The following ATP10B variants were observed in gnomAD, a reference collection of about 807,000 sequenced individuals.
ATP10B encodes the protein ATPase phospholipid transporting 10B (putative), also known as phospholipid-transporting ATPase VB.
ATP10B carries 122 observed loss-of-function variants against 141.2 expected under a neutral mutation model. The ratio of observed to expected loss-of-function variants is 0.86; its 90% CI spans 0.75 to 1.00. The LOEUF (loss-of-function observed/expected upper bound fraction) is 1.00. Among genes scored for constraint, ATP10B ranks in the 50% least tolerant of loss-of-function variants. The probability of loss-of-function intolerance (pLI) is 0.00; values close to 1 mark genes in which losing one functional copy is unlikely to be tolerated. For synonymous variants in ATP10B, 685 were observed against 692.0 expected (o/e 0.99, Z 0.16); for missense variants, 1,876 against 1,825.3 (o/e 1.03, Z -0.51).
At chr5:160,758,952 G>A (rs564169867) in intron 2 of ATP10B, among the ~76,000 whole-genome samples, 79 of 152,214 alleles carry the variant, frequency 5.2e-4, no homozygotes, top group African/African-American at 1.9e-3. Context: ...GATTTTCTTG[G>A]GAAACCCACA....
At chr5:160,884,581 C>A in the ATP10B span, among the ~76,000 whole-genome samples, 2 of 152,084 alleles carry the variant, frequency 1.3e-5, no homozygotes, top group African/African-American at 4.8e-5. Context: ...GTGGGAGATA[C>A]CACAGCTCAG....
chr5:160,626,322 C>T (rs532624481), intron 13 of ATP10B, among the ~76,000 whole-genome samples: 17 of 152,268 alleles, frequency 1.1e-4, no homozygotes, highest in Admixed American at 6.5e-4. Context: ...TGAGCTCAAA[C>T]GATATCCTCA....
chr5:160,723,282 G>C (rs1316763163), intron 2 of ATP10B, among the ~76,000 whole-genome samples: 1 of 152,188 alleles, frequency 6.6e-6, no homozygotes, highest in East Asian at 1.9e-4. Flanking sequence ...TGACAGGTGA[G>C]ACCATTGCCT....
intron 2 of ATP10B, among the ~76,000 whole-genome samples, chr5:160,749,594 C>G (rs1768023639): frequency 6.6e-6 from 1 of 152,150 alleles, no homozygotes; most frequent in African/African-American, 2.4e-5. Context: ...ATTTAAGCAA[C>G]TTGCTTAAGA....
At chr5:160,836,732 T>G (rs139136508) in intron 1 of ATP10B, among the ~76,000 whole-genome samples, 2,206 of 152,208 alleles carry the variant, frequency 0.014, 126 homozygotes, top group Admixed American at 0.11. Flanking sequence ...TCTGACTCAA[T>G]CATTCTTTTC....
chr5:160,769,320 T>G lies in ATP10B; in HGVS notation c.-331+16239A>C, dbSNP rs142500742. ...TATAAAGATTGACAGGAGAGTGAAG[T>G]GCGTGTTACATAAGGAACAGCACAG... On this transcript the variant is annotated intron_variant, in intron 2 of 25. Transcript: ENST00000327245. Among the ~76,000 whole-genome samples the G allele has an allele frequency of 1.8e-3, 270 of 152,298 alleles. 1 individual carries two copies. The highest frequency in any genetic ancestry group is 6.3e-3 in the African/African-American group (262 of 41,560).
At chr5:160,761,230 A>G (rs556035532) in intron 2 of ATP10B, among the ~76,000 whole-genome samples, 25 of 152,280 alleles carry the variant, frequency 1.6e-4, no homozygotes, top group Middle Eastern at 3.4e-3. Context: ...CTGCTAGCAT[A>G]ATCAGCATTC....
chr5:160,809,897 A>G (rs544751299), intron 1 of ATP10B, among the ~76,000 whole-genome samples: 5 of 152,304 alleles, frequency 3.3e-5, no homozygotes, highest in Admixed American at 2.0e-4. Flanking sequence ...ATTGGATATC[A>G]GGCTTCTTGG....
chr5:160,703,489 T>A (rs1165624771), intron 3 of ATP10B, among the ~76,000 whole-genome samples: 3 of 152,134 alleles, frequency 2.0e-5, no homozygotes, highest in African/African-American at 7.2e-5. Flanking sequence ...TTGTTTTTTT[T>A]TTTTTTAGAT....
intron 4 of ATP10B, among the ~76,000 whole-genome samples, 169 bp from the exon 5 acceptor site, chr5:160,688,263 T>C (rs1237366429): frequency 6.6e-6 from 1 of 152,208 alleles, no homozygotes; most frequent in Non-Finnish European, 1.5e-5. Flanking sequence ...TGCTTCCCTG[T>C]TGTTCCTAAA....
rs187300372 is a variant in ATP10B at position 160,817,681 on chromosome 5, G to A, written c.-575-31878C>T. Among the ~76,000 whole-genome samples, 1,181 of 152,152 alleles carry A rather than the reference G, an allele frequency of 7.8e-3. 8 individuals are homozygous for A. The highest frequency in any genetic ancestry group is 0.023 in the African/African-American group (950 of 41,512). On this transcript the variant is annotated intron_variant, in intron 1 of 25. Transcript: ENST00000327245. Reference sequence around the variant, plus strand: ...TTCATATGGAACCAAAAAAGAGCCCGCATTGCCAAGTCAATCCTAAGCCAA... The same window carrying A: ...TTCATATGGAACCAAAAAAGAGCCCACATTGCCAAGTCAATCCTAAGCCAA...
intron 1 of ATP10B, among the ~76,000 whole-genome samples, chr5:160,815,638 T>A (rs990500416): frequency 6.6e-6 from 1 of 152,170 alleles, no homozygotes; most frequent in Non-Finnish European, 1.5e-5. Flanking sequence ...ATGGAGGAAT[T>A]GAACTCAGCT....
At chr5:160,917,756 C>A in the ATP10B span, among the ~76,000 whole-genome samples, 1 of 152,204 alleles carries the variant, frequency 6.6e-6, no homozygotes, top group African/African-American at 2.4e-5. Flanking sequence ...GACCTATTTA[C>A]AAGCCACAAC....
rs760112243 is a variant in ATP10B, at chr5:160,649,158, A to G, written c.761+13T>C. 2 of 1,583,294 alleles carry G rather than the reference A, an allele frequency of 1.3e-6. No individual in the cohort carries two copies. The highest frequency in any genetic ancestry group is 2.2e-5 in the East Asian group (1 of 44,748). On this transcript the variant is annotated intron_variant, in intron 8 of 25. Transcript: ENST00000327245. Reference sequence around the variant, plus strand: ...GAGATATTTACTAGCAGCATGGGACATGAGATACTTACATATAACCCTTAA... The same window carrying G: ...GAGATATTTACTAGCAGCATGGGACGTGAGATACTTACATATAACCCTTAA...
chr5:160,622,914 CT>C (rs879533940), intron 13 of ATP10B, among the ~76,000 whole-genome samples: 90 of 151,784 alleles, frequency 5.9e-4, no homozygotes, highest in African/African-American at 1.2e-3. Context: ...TGCCTCTCAC[CT>C]TTTTTTTTCT....
intron 18 of ATP10B, 80 bp from the exon 19 acceptor site, chr5:160,607,166 A>T: frequency 8.2e-7 from 1 of 1,223,556 alleles, no homozygotes; most frequent in Non-Finnish European, 1.2e-6. Context: ...TTCTTTAGTA[A>T]GATAGTCATA....
intron 2 of ATP10B, among the ~76,000 whole-genome samples, chr5:160,755,839 ATATATATATATAT>A (rs1161988802): frequency 4.9e-3 from 154 of 31,258 alleles, no homozygotes; most frequent in Non-Finnish European, 5.7e-3. Context: ...AAAAAAAAAA[ATATATATATATAT>A]ATATATATAT....
chr5:160,770,190 CCTCTCTCTTCTCT>C (rs1769782740), intron 2 of ATP10B, among the ~76,000 whole-genome samples: 2 of 151,436 alleles, frequency 1.3e-5, no homozygotes, highest in African/African-American at 4.9e-5. Flanking sequence ...CCCTCTCTAT[CCTCTCTCTTCTCT>C]CTCTCTCTGC....
At chr5:160,912,440 A>AG in the ATP10B span, among the ~76,000 whole-genome samples, 541 of 134,728 alleles carry the variant, frequency 4.0e-3, 3 homozygotes, top group Admixed American at 5.3e-3. Flanking sequence ...AAAAAAAAAA[A>AG]AGAGAAAACT....
Sources: gnomAD v4.1 joint callset for allele counts (sites outside exome capture counted in the v4.1 genomes callset) on GRCh38, gnomAD v4.1.1 for gene constraint, MANE v1.5 for transcripts, NCBI Gene and HGNC (gene_info 2026-07-23, HGNC 2026-07-21) for gene names.